ZBBX: variants seen among roughly 807,000 people sequenced by gnomAD.
The protein encoded by ZBBX is zinc finger B-box domain containing.
ZBBX carries 101 observed loss-of-function variants against 108.5 expected under a neutral mutation model. The ratio of observed to expected loss-of-function variants is 0.93; its 90% CI spans 0.79 to 1.10. ZBBX has a LOEUF of 1.10. Among genes scored for constraint, ZBBX ranks in the 50% least tolerant of loss-of-function variants. The pLI is 0.00. For missense variants in ZBBX, 1,009 were observed against 941.4 expected (o/e 1.07, Z -0.94); for synonymous variants, 356 against 323.4 (o/e 1.10, Z -1.08).
At chr3:167,310,540 A>C (rs1475606182) in intron 16 of ZBBX, among the ~76,000 whole-genome samples, 1 of 152,262 alleles carries the variant, frequency 6.6e-6, no homozygotes, top group Admixed American at 6.5e-5. Flanking sequence ...GAGTCTTATA[A>C]TCATGGCAGA....
In ZBBX at chr3:167,350,242, T is replaced by C. The variant is rs1430839705; in HGVS notation, c.528+178A>G. On this transcript the variant is annotated intron_variant, in intron 9 of 21. Coordinates refer to ENST00000675490, the MANE Select transcript of ZBBX (RefSeq NM_001199201.2). Reference sequence around the variant, plus strand: ...ACAGTTTAAATAGTAAAATAGAGTCTAGATTAGTATTCAATAAAATAATTT... The same window carrying C: ...ACAGTTTAAATAGTAAAATAGAGTCCAGATTAGTATTCAATAAAATAATTT... Among the ~76,000 whole-genome samples the C allele has an allele frequency of 4.6e-5, 7 of 152,086 alleles. No individual in the cohort carries two copies. In the East Asian group the frequency reaches 1.2e-3, roughly 25 times the overall value.
At chr3:167,339,357 C>A (rs916320391) in intron 9 of ZBBX, among the ~76,000 whole-genome samples, 3 of 152,106 alleles carry the variant, frequency 2.0e-5, no homozygotes, top group South Asian at 4.1e-4. Context: ...GCTGTAAAGA[C>A]ACCTCCTCTG....
chr3:167,269,996 C>A (rs188044346), intron 20 of ZBBX, among the ~76,000 whole-genome samples: 1 of 152,148 alleles, frequency 6.6e-6, no homozygotes, highest in Non-Finnish European at 1.5e-5. Context: ...ACTCACCCAA[C>A]CTCTTTAGTC....
intron 4 of ZBBX, among the ~76,000 whole-genome samples, chr3:167,370,980 G>T (rs1746077198): frequency 6.6e-6 from 1 of 152,052 alleles, no homozygotes. Context: ...ATGGTTTAGG[G>T]GCTGAGAAAG....
At chr3:167,298,573 A>G (rs1284820622) in intron 17 of ZBBX, 115 bp from the exon 18 acceptor site, 2 of 735,478 alleles carry the variant, frequency 2.7e-6, no homozygotes, top group Non-Finnish European at 4.0e-6. Flanking sequence ...TTCTTCCCTC[A>G]TCAAGTTTAG....
At chr3:167,400,842 A>C (rs1313941337) in intron 1 of ZBBX, among the ~76,000 whole-genome samples, 1 of 152,086 alleles carries the variant, frequency 6.6e-6, no homozygotes, top group African/African-American at 2.4e-5. Context: ...GGTAGGTAAG[A>C]GACAAATGGT....
At chr3:167,334,651 GGT>G (rs1411752372) in intron 9 of ZBBX, among the ~76,000 whole-genome samples, 1 of 152,012 alleles carries the variant, frequency 6.6e-6, no homozygotes, top group East Asian at 1.9e-4. Context: ...GTGCTGAGTG[GGT>G]GCCAGAGTTA....
chr3:167,298,788 A>G (rs114275029), intron 17 of ZBBX, among the ~76,000 whole-genome samples: 2,126 of 152,102 alleles, frequency 0.014, 26 homozygotes, highest in South Asian at 0.026. Context: ...AGTTACTTTC[A>G]CACGCAGTGG....
the ZBBX span, among the ~76,000 whole-genome samples, chr3:167,202,658 A>AT: frequency 6.6e-6 from 1 of 152,150 alleles, no homozygotes; most frequent in African/African-American, 2.4e-5. Flanking sequence ...TCAAGTCTTA[A>AT]TAGCTATGTT....
Position 167,298,364 on chromosome 3 carries a change from T to C in ZBBX, c.1820A>G (p.Asn607Ser). The stretch of plus-strand genomic sequence containing the variant: ...TTCTAAACGATGAGAAGGAAGTAAG[T>C]TGAGTCTTTCATTTGTATCAAAAAT... The part of the protein sequence containing the change: ...FFIFDTNERL[N>S]LLPSHRLECN... Residue 607 changes from asparagine (N) to serine (S), a missense_variant, in exon 18 of 22, where the codon AAC becomes AGC. By Grantham distance (46) the Asn-to-Ser change is conservative. Coordinates refer to ENST00000675490, the MANE Select transcript of ZBBX (RefSeq NM_001199201.2). The C allele has an allele frequency of 6.2e-7, 1 of 1,602,166 alleles. No individual in the cohort carries two copies. Among genetic ancestry groups the C allele is most frequent in the Non-Finnish European group, 8.5e-7 (1 of 1,173,320 alleles).
chr3:167,323,193 C>A (rs1178948984), intron 11 of ZBBX, among the ~76,000 whole-genome samples: 1 of 149,338 alleles, frequency 6.7e-6, no homozygotes, highest in Admixed American at 6.8e-5. Flanking sequence ...CTATGAGTCC[C>A]CCTTTTCATT....
the ZBBX span, among the ~76,000 whole-genome samples, chr3:167,202,571 C>A: frequency 6.6e-6 from 1 of 152,000 alleles, no homozygotes. Context: ...GAATGAAATG[C>A]AAACCCAGTC....
chr3:167,315,706 G>T, intron 15 of ZBBX, 44 bp downstream of exon 15: 1 of 1,346,324 alleles, frequency 7.4e-7, no homozygotes, highest in Non-Finnish European at 1.1e-6. Context: ...TGTGTGTCAG[G>T]AGGGGGCTCA....
the ZBBX span, among the ~76,000 whole-genome samples, chr3:167,210,335 G>A: frequency 2.0e-5 from 3 of 151,968 alleles, no homozygotes; most frequent in Non-Finnish European, 2.9e-5. Context: ...CTTGAAAACA[G>A]ACTATTCAAA....
chr3:167,261,857 C>A (rs968080124), intron 20 of ZBBX, among the ~76,000 whole-genome samples: 2 of 151,448 alleles, frequency 1.3e-5, no homozygotes, highest in African/African-American at 2.4e-5. Flanking sequence ...CAGATTTGCA[C>A]CCTCCCCCAA....
intron 17 of ZBBX, among the ~76,000 whole-genome samples, chr3:167,303,804 C>G (rs543674819): frequency 1.3e-5 from 2 of 152,174 alleles, no homozygotes; most frequent in East Asian, 3.9e-4. Flanking sequence ...TCTTTTATTG[C>G]TTTTAAGATT....
At chr3:167,378,374 T>C (rs1747293910) in intron 2 of ZBBX, among the ~76,000 whole-genome samples, 1 of 152,178 alleles carries the variant, frequency 6.6e-6, no homozygotes, top group Non-Finnish European at 1.5e-5. Context: ...CATTTTAAAA[T>C]ACTTTTGATT....
chr3:167,348,356 G>GAAAGAAAAAA (rs143492697), intron 9 of ZBBX, among the ~76,000 whole-genome samples: 1 of 115,016 alleles, frequency 8.7e-6, no homozygotes, highest in African/African-American at 3.5e-5. Flanking sequence ...AAGAAAGAAA[G>GAAAGAAAAAA]AAAGAAAGAA....
chr3:167,348,314 GAGA>G (rs1741922667), intron 9 of ZBBX, among the ~76,000 whole-genome samples: 2 of 65,592 alleles, frequency 3.0e-5, no homozygotes, highest in African/African-American at 1.1e-4. Flanking sequence ...GAGAAAGAAA[GAGA>G]AAGAAAGAAA....
Sources: gnomAD v4.1 joint callset for allele counts (sites outside exome capture counted in the v4.1 genomes callset) on GRCh38, gnomAD v4.1.1 for gene constraint, MANE v1.5 for transcripts, NCBI Gene and HGNC (gene_info 2026-07-23, HGNC 2026-07-21) for gene names.